The following PTPRD variants were observed in gnomAD, a reference collection of about 807,000 sequenced individuals.
PTPRD encodes receptor-type tyrosine-protein phosphatase delta.
PTPRD carries 34 observed loss-of-function variants against 214.5 expected under a neutral mutation model. The ratio of observed to expected loss-of-function variants is 0.16; its 90% CI spans 0.12 to 0.21. The LOEUF (loss-of-function observed/expected upper bound fraction) is 0.21. Ranked by LOEUF, PTPRD falls within the 10% of genes least tolerant of loss-of-function variation. The pLI is 1.00. For synonymous variants in PTPRD, 1,128 were observed against 845.7 expected, an observed-to-expected ratio of 1.33 and a Z score of -5.79; for missense variants, 2,545 against 2,398.7, an observed-to-expected ratio of 1.06 and a Z score of -1.27.
intron 34 of PTPRD, chr9:8,437,326 A>C: frequency 9.1e-7 from 1 of 1,098,154 alleles, no homozygotes; most frequent in East Asian, 2.6e-5. Context: ...ATATTTTTTA[A>C]AAGGACTAAT....
At chr9:9,786,132 T>G (rs2098921699) in intron 5 of PTPRD, among the ~76,000 whole-genome samples, 1 of 152,202 alleles carries the variant, frequency 6.6e-6, no homozygotes, top group Non-Finnish European at 1.5e-5. Flanking sequence ...TAAAAATTTT[T>G]CATGTCTATT....
intron 4 of PTPRD, among the ~76,000 whole-genome samples, chr9:9,954,875 A>G (rs1383825387): frequency 2.6e-5 from 4 of 152,182 alleles, no homozygotes; most frequent in African/African-American, 9.6e-5. Context: ...AAGGAATGAG[A>G]TCAATTTGCA....
chr9:9,882,963 C>T (rs748354507), intron 5 of PTPRD, among the ~76,000 whole-genome samples: 6 of 152,066 alleles, frequency 3.9e-5, no homozygotes, highest in African/African-American at 9.7e-5. Context: ...CCCTCACTGG[C>T]CATGTGATGG....
chr9:9,929,408 T>A (rs569348270), intron 5 of PTPRD, among the ~76,000 whole-genome samples: 1 of 152,138 alleles, frequency 6.6e-6, no homozygotes, highest in African/African-American at 2.4e-5. Flanking sequence ...CACTTGTTTT[T>A]TGAGACAGAG....
chr9:10,097,328 C>A lies in PTPRD; in HGVS notation c.-544-63538G>T, dbSNP rs546298205. 5.8e-5 allele frequency among the ~76,000 whole-genome samples: 7 copies of A among 119,938 alleles called. 1 individual carries two copies. The highest frequency in any genetic ancestry group is 2.1e-4 in the African/African-American group (6 of 27,990). The allele number at this position is 119,938 out of a possible 152,430, so 78.7% of individuals were successfully genotyped here. A position where few individuals can be genotyped will look rare whatever the true frequency, so the allele number is the denominator to read the frequency against. ...CATTGAATCTATAAATTACGTTGGG[C>A]AGTATGGCCATTTTCACAACATTGA... On this transcript the variant is annotated intron_variant, in intron 3 of 45. Transcript: ENST00000381196.
At chr9:9,950,490 C>G (rs1446697027) in intron 4 of PTPRD, among the ~76,000 whole-genome samples, 1 of 34,620 alleles carries the variant, frequency 2.9e-5, no homozygotes, top group Non-Finnish European at 4.1e-5. Flanking sequence ...TTTGGGAGGC[C>G]GAGGCGGGCG....
chr9:8,736,273 T>A lies in PTPRD; in HGVS notation c.-103-2327A>T, dbSNP rs187958477. 2.4e-3 allele frequency among the ~76,000 whole-genome samples: 367 copies of A among 152,262 alleles called. 2 individuals are homozygous for A. Among genetic ancestry groups the A allele is most frequent in the African/African-American group, 8.6e-3 (357 of 41,562 alleles). On this transcript the variant is annotated intron_variant, in intron 11 of 45. Coordinates refer to ENST00000381196, the MANE Select transcript of PTPRD (RefSeq NM_002839.4). Reference sequence around the variant, plus strand: ...TTGTACCTATAGAACCCTCAATAAATCTAGCACAGCCTCTTATGCAGAGTA... The same window carrying A: ...TTGTACCTATAGAACCCTCAATAAAACTAGCACAGCCTCTTATGCAGAGTA...
intron 9 of PTPRD, among the ~76,000 whole-genome samples, chr9:9,310,491 T>A (rs542233716): frequency 6.6e-6 from 1 of 152,252 alleles, no homozygotes; most frequent in South Asian, 2.1e-4. Flanking sequence ...TGTATTTCTT[T>A]AAAAGAAATC....
intron 5 of PTPRD, among the ~76,000 whole-genome samples, chr9:9,857,597 T>C (rs1471582453): frequency 6.6e-6 from 1 of 152,232 alleles, no homozygotes; most frequent in Non-Finnish European, 1.5e-5. Context: ...GAGTCCATAT[T>C]ACAGCTAGTG....
intron 8 of PTPRD, among the ~76,000 whole-genome samples, chr9:9,535,199 C>T (rs771685939): frequency 1.1e-4 from 17 of 152,092 alleles, no homozygotes; most frequent in Admixed American, 5.9e-4. Context: ...CCCAGAGAGA[C>T]GAGACTCAAA....
intron 2 of PTPRD, among the ~76,000 whole-genome samples, chr9:10,368,864 C>T (rs1433100317): frequency 6.6e-6 from 1 of 152,016 alleles, no homozygotes; most frequent in Non-Finnish European, 1.5e-5. Flanking sequence ...AACATTTTTA[C>T]CTAACTAAAT....
At chr9:9,392,230 G>T (rs2066097899) in intron 9 of PTPRD, among the ~76,000 whole-genome samples, 1 of 152,144 alleles carries the variant, frequency 6.6e-6, no homozygotes, top group African/African-American at 2.4e-5. Flanking sequence ...GCAGTGTAAA[G>T]CTCTTAGTAA....
At chr9:9,840,108 G>A (rs1380867674) in intron 5 of PTPRD, among the ~76,000 whole-genome samples, 1 of 152,134 alleles carries the variant, frequency 6.6e-6, no homozygotes, top group Admixed American at 6.6e-5. Flanking sequence ...TGTGATCTCA[G>A]CTCACTGCAA....
At chr9:9,144,120 G>A (rs945392968) in intron 10 of PTPRD, among the ~76,000 whole-genome samples, 6 of 152,214 alleles carry the variant, frequency 3.9e-5, no homozygotes, top group African/African-American at 1.4e-4. Context: ...CATATAATAC[G>A]TCAACATTTA....
intron 2 of PTPRD, among the ~76,000 whole-genome samples, chr9:10,525,932 A>G (rs2054150497): frequency 1.3e-5 from 2 of 152,122 alleles, no homozygotes; most frequent in South Asian, 4.1e-4. Flanking sequence ...TATCCAAGAC[A>G]TAGTTACTAA....
chr9:9,231,827 AC>A (rs1344661568), intron 9 of PTPRD, among the ~76,000 whole-genome samples: 1 of 152,020 alleles, frequency 6.6e-6, no homozygotes, highest in African/African-American at 2.4e-5. Context: ...GGTTTGCTGC[AC>A]CCGTCAACTC....
intron 9 of PTPRD, among the ~76,000 whole-genome samples, chr9:9,284,276 A>G (rs1948685569): frequency 1.3e-5 from 2 of 151,688 alleles, no homozygotes; most frequent in East Asian, 3.9e-4. Flanking sequence ...TCAAGGTAAT[A>G]AAGTTTGTTG....
At chr9:9,212,979 ACTCCTAT>A (rs2099949761) in intron 9 of PTPRD, among the ~76,000 whole-genome samples, 1 of 152,138 alleles carries the variant, frequency 6.6e-6, no homozygotes, top group South Asian at 2.1e-4. Context: ...ATAGATTCTA[ACTCCTAT>A]AACTGTGACC....
chr9:9,986,439 T>G (rs1163518156), intron 4 of PTPRD, among the ~76,000 whole-genome samples: 1 of 152,118 alleles, frequency 6.6e-6, no homozygotes, highest in Non-Finnish European at 1.5e-5. Flanking sequence ...TTAGGTGATA[T>G]GACATGTGAT....
Sources: gnomAD v4.1 joint callset for allele counts (sites outside exome capture counted in the v4.1 genomes callset) on GRCh38, gnomAD v4.1.1 for gene constraint, MANE v1.5 for transcripts, NCBI Gene and HGNC (gene_info 2026-07-23, HGNC 2026-07-21) for gene names.